The following TCEANC2 variants were observed in gnomAD, a reference collection of about 807,000 sequenced individuals.
TCEANC2 encodes the protein transcription elongation factor A N-terminal and central domain containing 2.
A neutral mutation model predicts 22.8 loss-of-function variants in TCEANC2; 20 were observed. That is an observed-to-expected ratio of 0.88 (90% CI 0.62 to 1.28). The LOEUF (loss-of-function observed/expected upper bound fraction) is 1.28, where lower values mean the gene tolerates loss of function less well. Among genes scored for constraint, TCEANC2 ranks in the 50% most tolerant of loss-of-function variants. TCEANC2 has a pLI of 0.00. For missense variants in TCEANC2, 251 were observed against 249.7 expected (o/e 1.01, Z -0.03); for synonymous variants, 84 against 95.5 (o/e 0.88, Z 0.70).
chr1:54,061,736 A>G (rs966678823), intron 2 of TCEANC2, among the ~76,000 whole-genome samples: 4 of 150,692 alleles, frequency 2.7e-5, no homozygotes, highest in African/African-American at 1.0e-4. Flanking sequence ...TGTCCCCTAT[A>G]GATAGGGTGA....
intron 2 of TCEANC2, among the ~76,000 whole-genome samples, chr1:54,062,003 T>G (rs547277588): frequency 1.3e-5 from 2 of 152,314 alleles, no homozygotes; most frequent in African/African-American, 4.8e-5. Context: ...ATAAGAGAAT[T>G]TTTTAAATTA....
intron 3 of TCEANC2, among the ~76,000 whole-genome samples, chr1:54,075,231 T>C (rs1228248946): frequency 6.6e-6 from 1 of 152,234 alleles, no homozygotes; most frequent in African/African-American, 2.4e-5. Context: ...GGCATTCAGG[T>C]GTATAATAAT....
intron 2 of TCEANC2, among the ~76,000 whole-genome samples, chr1:54,066,667 C>T (rs1657963051): frequency 6.6e-6 from 1 of 152,104 alleles, no homozygotes; most frequent in African/African-American, 2.4e-5. Flanking sequence ...ACAGATCAAC[C>T]AACCGGGATT....
At chr1:54,107,709 T>G (rs1354124268), downstream of TCEANC2, among the ~76,000 whole-genome samples, 1 of 152,256 alleles carries the variant, frequency 6.6e-6, no homozygotes, top group African/African-American at 2.4e-5. Context: ...CATAAATTCA[T>G]ATAATGTATT....
chr1:54,070,471 G>T (rs897251690), intron 3 of TCEANC2, among the ~76,000 whole-genome samples: 1 of 152,184 alleles, frequency 6.6e-6, no homozygotes, highest in Non-Finnish European at 1.5e-5. Flanking sequence ...GTGTTCGAGT[G>T]TAATTGTGAG....
At chr1:54,087,796 G>C (rs541035165) in intron 3 of TCEANC2, among the ~76,000 whole-genome samples, 3 of 152,168 alleles carry the variant, frequency 2.0e-5, no homozygotes, top group Non-Finnish European at 4.4e-5. Flanking sequence ...ATCACTGACT[G>C]TGGAAGAAAC....
chr1:54,074,054 C>T (rs371606439), intron 3 of TCEANC2, among the ~76,000 whole-genome samples: 32 of 152,238 alleles, frequency 2.1e-4, no homozygotes, highest in African/African-American at 7.5e-4. Context: ...TTCTGTGGAA[C>T]ATCCCAAAAG....
intron 3 of TCEANC2, among the ~76,000 whole-genome samples, chr1:54,078,876 A>G (rs1658191814): frequency 1.3e-5 from 2 of 152,208 alleles, no homozygotes; most frequent in South Asian, 4.1e-4. Flanking sequence ...AGGGCGGTAC[A>G]TGGACATGCA....
At chr1:54,071,337 G>A (rs1658052417) in intron 3 of TCEANC2, among the ~76,000 whole-genome samples, 1 of 152,176 alleles carries the variant, frequency 6.6e-6, no homozygotes, top group Non-Finnish European at 1.5e-5. Flanking sequence ...CTCTTATGAG[G>A]TTGCAGTCAA....
chr1:54,066,457 T>C (rs76882749), intron 2 of TCEANC2, among the ~76,000 whole-genome samples: 1,970 of 152,200 alleles, frequency 0.013, 22 homozygotes, highest in Middle Eastern at 0.02. Flanking sequence ...CCACAGGCTA[T>C]GTAAAGTGTA....
At chr1:54,109,161 T>G (rs1658804226), downstream of TCEANC2, among the ~76,000 whole-genome samples, 1 of 152,084 alleles carries the variant, frequency 6.6e-6, no homozygotes, top group Admixed American at 6.6e-5. Context: ...ACTGTGCCTG[T>G]AGAGGGGCCT....
At chr1:54,080,180 G>T (rs1658212712) in intron 3 of TCEANC2, among the ~76,000 whole-genome samples, 1 of 145,972 alleles carries the variant, frequency 6.9e-6, no homozygotes. Flanking sequence ...GTCTCACTCT[G>T]TCAGACAGGC....
intron 3 of TCEANC2, among the ~76,000 whole-genome samples, chr1:54,080,157 T>C (rs1039063587): frequency 2.0e-5 from 3 of 151,344 alleles, no homozygotes; most frequent in Admixed American, 6.6e-5. Flanking sequence ...TTTTTTTTTT[T>C]TTTTTTGAGA....
intron 4 of TCEANC2, among the ~76,000 whole-genome samples, chr1:54,090,682 A>G (rs2100383170): frequency 6.6e-6 from 1 of 152,332 alleles, no homozygotes; most frequent in East Asian, 1.9e-4. Context: ...CCCTTGGAAG[A>G]GAGAACAAAG....
rs1657706063 is a variant in TCEANC2, at chr1:54,054,526, TGA to T, written c.102+6_102+7del. ...CAGGCCACGATTGAATCTCTGAAGGTGAGAGGGGATCTGGGGCTAGAGGAAAT... is the reference window on the plus strand; with the variant it reads ...CAGGCCACGATTGAATCTCTGAAGGTGAGGGGATCTGGGGCTAGAGGAAAT... On this transcript the variant is annotated splice_donor_region_variant and intron_variant, in intron 2 of 4. Coordinates refer to ENST00000234827, the MANE Select transcript of TCEANC2 (RefSeq NM_153035.3). 1.2e-6 allele frequency: 2 copies of T among 1,611,252 alleles called. No individual in the cohort carries two copies. Among genetic ancestry groups the T allele is most frequent in the South Asian group, 1.1e-5 (1 of 90,698 alleles).
chr1:54,084,304 C>T (rs757195999), intron 3 of TCEANC2, among the ~76,000 whole-genome samples: 24 of 152,146 alleles, frequency 1.6e-4, no homozygotes, highest in Non-Finnish European at 2.9e-4. Context: ...CTAGCTGCTG[C>T]ACCCAGCCTA....
At position 54,096,770 on chromosome 1, in the gene TCEANC2, A is replaced by C. The variant is rs1314454884; in HGVS notation, c.*297A>C. ...TGAAAGGGTGATGGATTTCACTGTG[A>C]ATATGCCAAGGACACCTCTAAACTT... is the stretch of plus-strand genomic sequence containing the variant. On this transcript the variant is annotated 3_prime_UTR_variant, in exon 5 of 5. Transcript: ENST00000234827. The surrounding 1 kb of genome is among the most constrained non-coding windows in gnomAD (Gnocchi z 4.9). 5 of 1,106,332 alleles carry C rather than the reference A, an allele frequency of 4.5e-6. No homozygotes were observed. The highest frequency in any genetic ancestry group is 5.5e-6 in the Non-Finnish European group (5 of 904,524). The allele number at this position is 1,106,332 out of a possible 1,614,324, so 68.5% of individuals were successfully genotyped here.
chr1:54,054,505 C>A lies in TCEANC2; in HGVS notation c.83C>A (p.Ala28Asp). The A allele has an allele frequency of 6.2e-7, 1 of 1,613,118 alleles. No homozygotes were observed. Among genetic ancestry groups the A allele is most frequent in the Non-Finnish European group, 8.5e-7 (1 of 1,179,578 alleles). ...TCTGGAGGAAAGGTTTACAAGCAGG[C>A]CACGATTGAATCTCTGAAGGTGAGA... ...KDSGGKVYKQ[A>D]TIESLKRVVV... The change falls in exon 2 of 5, where the codon GCC becomes GAC. Residue 28 changes from alanine (A) to aspartate (D), a missense_variant. Transcript: ENST00000234827.
At chr1:54,057,908 C>T (rs1406937807) in intron 2 of TCEANC2, among the ~76,000 whole-genome samples, 1 of 152,130 alleles carries the variant, frequency 6.6e-6, no homozygotes, top group East Asian at 1.9e-4. Flanking sequence ...CATATACTGT[C>T]CTGTTTGCCT....
Sources: gnomAD v4.1 joint callset for allele counts (sites outside exome capture counted in the v4.1 genomes callset) on GRCh38, gnomAD v4.1.1 for gene constraint, Gnocchi (gnomAD v3.1) non-coding constraint, MANE v1.5 for transcripts, NCBI Gene and HGNC (gene_info 2026-07-23, HGNC 2026-07-21) for gene names.